Variants in SLIT3 observed in about 807,000 individuals in gnomAD.
SLIT3 encodes slit guidance ligand 3, also known as slit homolog 3 protein.
In SLIT3, 68 loss-of-function variants were observed where a neutral mutation model predicts 184.0. That is an observed-to-expected ratio of 0.37 (90% CI 0.30 to 0.45). The LOEUF is 0.45. SLIT3 is among the 20% of genes least tolerant of loss of function. The pLI is 1.00. For missense variants in SLIT3, 1,707 were observed against 2,026.0 expected (o/e 0.84, Z 3.02); for synonymous variants, 831 against 828.6 (o/e 1.00, Z -0.05).
chr5:168,677,905 C>T (rs192149692), intron 32 of SLIT3, among the ~76,000 whole-genome samples: 11 of 152,282 alleles, frequency 7.2e-5, no homozygotes, highest in Middle Eastern at 6.8e-3. Context: ...CCTGGAAGAA[C>T]CTGCCTATGG....
chr5:168,844,267 C>A (rs1326779064), intron 6 of SLIT3, among the ~76,000 whole-genome samples: 2 of 152,148 alleles, frequency 1.3e-5, no homozygotes, highest in Non-Finnish European at 1.5e-5. Flanking sequence ...TCTGCTCCAG[C>A]CCATCTGTTT....
chr5:168,691,022 G>T (rs997181031), intron 29 of SLIT3, among the ~76,000 whole-genome samples: 2 of 152,172 alleles, frequency 1.3e-5, no homozygotes, highest in African/African-American at 2.4e-5. Context: ...GGGTGGGGCT[G>T]CTTCTCTCCT....
chr5:169,077,618 G>T (rs531913513), intron 4 of SLIT3, among the ~76,000 whole-genome samples: 4 of 152,056 alleles, frequency 2.6e-5, no homozygotes, highest in Non-Finnish European at 5.9e-5. Flanking sequence ...TATCAGTAAG[G>T]CTTCTGATCA....
At chr5:169,277,999 T>G (rs912462601) in intron 1 of SLIT3, among the ~76,000 whole-genome samples, 2 of 152,246 alleles carry the variant, frequency 1.3e-5, no homozygotes, top group Non-Finnish European at 2.9e-5. Flanking sequence ...TGGTAAGACG[T>G]GGCTTGTTCA....
At chr5:168,947,941 C>T (rs1185688297) in intron 4 of SLIT3, among the ~76,000 whole-genome samples, 1 of 151,466 alleles carries the variant, frequency 6.6e-6, no homozygotes, top group Admixed American at 6.6e-5. Flanking sequence ...CAGGCATGCA[C>T]CACCACACCC....
At chr5:169,289,539 T>C (rs1363713142) in intron 1 of SLIT3, among the ~76,000 whole-genome samples, 1 of 152,198 alleles carries the variant, frequency 6.6e-6, no homozygotes, top group African/African-American at 2.4e-5. Flanking sequence ...TGATAAAAGA[T>C]TTCAGATGGC....
At chr5:169,197,409 T>G (rs140707763) in intron 3 of SLIT3, among the ~76,000 whole-genome samples, 23 of 152,306 alleles carry the variant, frequency 1.5e-4, no homozygotes, top group African/African-American at 5.5e-4. Flanking sequence ...GAAAAGATGA[T>G]GAAGGCTCCA....
intron 4 of SLIT3, among the ~76,000 whole-genome samples, chr5:168,944,903 C>T (rs567901210): frequency 9.2e-5 from 14 of 152,220 alleles, no homozygotes; most frequent in African/African-American, 3.1e-4. Flanking sequence ...TTCAATAAAC[C>T]CATGCCAACC....
chr5:168,851,697 T>C (rs1228420526), intron 5 of SLIT3, among the ~76,000 whole-genome samples: 3 of 152,184 alleles, frequency 2.0e-5, no homozygotes, highest in Admixed American at 2.0e-4. Flanking sequence ...GTTTTAGCAT[T>C]GAAACTCCTG....
intron 4 of SLIT3, among the ~76,000 whole-genome samples, chr5:168,956,036 T>A (rs1762813980): frequency 1.3e-5 from 2 of 152,210 alleles, no homozygotes; most frequent in Admixed American, 6.5e-5. Flanking sequence ...ATCCAAACTC[T>A]GGATGCAGCC....
At chr5:168,685,579 C>G in intron 31 of SLIT3, 108 bp downstream of exon 31, 1 of 1,379,952 alleles carries the variant, frequency 7.2e-7, no homozygotes, top group Non-Finnish European at 9.7e-7. Flanking sequence ...GAGTGTTGTC[C>G]CTGATGGTGC....
intron 12 of SLIT3, among the ~76,000 whole-genome samples, chr5:168,783,785 G>A (rs746379298): frequency 5.3e-5 from 8 of 152,156 alleles, no homozygotes; most frequent in Non-Finnish European, 1.0e-4. Context: ...AAAACCCAAT[G>A]ACAGCTACTT....
chr5:168,802,948 T>G (rs954929675), intron 9 of SLIT3, among the ~76,000 whole-genome samples: 1 of 152,228 alleles, frequency 6.6e-6, no homozygotes, highest in Non-Finnish European at 1.5e-5. Context: ...TGCCCATGGC[T>G]ACAAGGCAGA....
chr5:169,167,729 G>A (rs918170611), intron 4 of SLIT3, among the ~76,000 whole-genome samples: 2 of 152,110 alleles, frequency 1.3e-5, no homozygotes, highest in Middle Eastern at 3.2e-3. Flanking sequence ...CAGGCAGGCT[G>A]GCTTCTGGTA....
chr5:169,251,359 AAC>A (rs746927548), intron 2 of SLIT3, 27 bp downstream of exon 2: 8 of 1,543,862 alleles, frequency 5.2e-6, no homozygotes, highest in Non-Finnish European at 6.3e-6. Flanking sequence ...TAAAAATGAA[AAC>A]ACACTTGAGA....
chr5:168,730,852 CAGA>C (rs1032037802), intron 20 of SLIT3, among the ~76,000 whole-genome samples: 6 of 151,848 alleles, frequency 4.0e-5, no homozygotes, highest in Admixed American at 6.6e-5. Flanking sequence ...CCAAAGTTAG[CAGA>C]AGAAGAGAAA....
chr5:168,906,469 A>G (rs1761056157), intron 4 of SLIT3, among the ~76,000 whole-genome samples: 1 of 152,210 alleles, frequency 6.6e-6, no homozygotes, highest in South Asian at 2.1e-4. Context: ...GAACGAAAAA[A>G]CAGAGAGTTT....
chr5:168,821,052 A>G (rs1410255290), intron 7 of SLIT3, among the ~76,000 whole-genome samples: 2 of 152,178 alleles, frequency 1.3e-5, no homozygotes, highest in African/African-American at 4.8e-5. Flanking sequence ...AAATTAAACT[A>G]AAGAGAAAAT....
At chr5:168,864,603 G>A (rs1759233261) in intron 5 of SLIT3, among the ~76,000 whole-genome samples, 3 of 152,252 alleles carry the variant, frequency 2.0e-5, no homozygotes, top group Admixed American at 6.5e-5. Context: ...CATTCCCACC[G>A]TCAGTGTGAA....
Sources: gnomAD v4.1 joint callset for allele counts (sites outside exome capture counted in the v4.1 genomes callset) on GRCh38, gnomAD v4.1.1 for gene constraint, MANE v1.5 for transcripts, NCBI Gene and HGNC (gene_info 2026-07-23, HGNC 2026-07-21) for gene names.